The following MTA3 variants were observed in gnomAD, a reference collection of about 807,000 sequenced individuals.
MTA3 encodes metastasis associated 1 family member 3.
In MTA3, 34 loss-of-function variants were observed where a neutral mutation model predicts 83.5. That is an observed-to-expected ratio of 0.41 (90% CI 0.31 to 0.54). The LOEUF is 0.54. MTA3 is among the 20% of genes least tolerant of loss of function. The pLI, the probability that MTA3 is intolerant of heterozygous loss-of-function variation, is 0.33. For synonymous variants in MTA3, 303 were observed against 252.7 expected (o/e 1.20, Z -1.89); for missense variants, 761 against 726.4 (o/e 1.05, Z -0.55).
intron 8 of MTA3, among the ~76,000 whole-genome samples, chr2:42,664,402 A>G (rs1172948794): frequency 4.7e-5 from 7 of 149,614 alleles, no homozygotes. Context: ...ATTCAGTTGA[A>G]TTTGGGGAGT....
chr2:42,621,666 C>T (rs1414147628), intron 4 of MTA3, among the ~76,000 whole-genome samples: 6 of 148,880 alleles, frequency 4.0e-5, no homozygotes, highest in Non-Finnish European at 7.4e-5. Context: ...GACGGGGTGG[C>T]AGCCGGGCAG....
intron 12 of MTA3, among the ~76,000 whole-genome samples, chr2:42,705,236 G>T (rs1665973082): frequency 6.6e-6 from 1 of 152,156 alleles, no homozygotes; most frequent in African/African-American, 2.4e-5. Flanking sequence ...TTTGCAGCAT[G>T]GGAGCACAAA....
chr2:42,571,477 A>G (rs1323944217), intron 2 of MTA3, among the ~76,000 whole-genome samples: 3 of 151,854 alleles, frequency 2.0e-5, no homozygotes, highest in Non-Finnish European at 4.4e-5. Flanking sequence ...TTGTTACTGA[A>G]TATTTAAAAG....
intron 2 of MTA3, among the ~76,000 whole-genome samples, chr2:42,509,190 C>G (rs1470557091): frequency 6.6e-6 from 1 of 151,876 alleles, no homozygotes; most frequent in African/African-American, 2.4e-5. Flanking sequence ...CTACAGGTGT[C>G]CACCACCATG....
chr2:42,539,577 CTTTTTTTTTT>C (rs34577240), intron 2 of MTA3, among the ~76,000 whole-genome samples: 2 of 96,652 alleles, frequency 2.1e-5, no homozygotes, highest in Non-Finnish European at 4.0e-5. Context: ...AATTGTAAAG[CTTTTTTTTTT>C]TTTTTTTTTT....
At chr2:42,731,395 A>C (rs909256080) in intron 16 of MTA3, among the ~76,000 whole-genome samples, 1 of 152,214 alleles carries the variant, frequency 6.6e-6, no homozygotes, top group African/African-American at 2.4e-5. Context: ...AAGAGGTTTA[A>C]TTGGACTTAC....
chr2:42,651,777 G>A (rs1162127318), intron 6 of MTA3, among the ~76,000 whole-genome samples: 3 of 150,072 alleles, frequency 2.0e-5, no homozygotes, highest in African/African-American at 7.4e-5. Flanking sequence ...TCCAGCCTGG[G>A]TGACAGAGCG....
At chr2:42,570,558 TG>T (rs1452225037) in intron 2 of MTA3, 54 bp downstream of exon 2, 6 of 1,076,896 alleles carry the variant, frequency 5.6e-6, no homozygotes, top group Non-Finnish European at 7.8e-6. Context: ...TTTCCCTTGA[TG>T]GGTAATTGGG....
At position 42,568,664 on chromosome 2, in the gene MTA3, G is replaced by A; in HGVS notation, c.-82G>A. 9.6e-7 allele frequency: 1 copy of A among 1,043,610 alleles called. No homozygotes were observed. 64.6% of individuals were successfully genotyped at this position (1,043,610 alleles called of 1,614,324 possible). A position where few individuals can be genotyped will look rare whatever the true frequency, so the allele number is the denominator to read the frequency against. On this transcript the variant is annotated 5_prime_UTR_variant, in exon 1 of 17. Transcript: ENST00000405094. ...GGCAGCAGCGACGGCGGCGGCGGCA[G>A]CGGCGGTCGCGGCTGAGGCTGAGGA...
chr2:42,745,828 T>TTTTTTTTG (rs1669371866), intron 16 of MTA3, among the ~76,000 whole-genome samples: 1 of 147,238 alleles, frequency 6.8e-6, no homozygotes, highest in Non-Finnish European at 1.5e-5. Flanking sequence ...AGTCCTCTTT[T>TTTTTTTTG]TTTTGAGACA....
chr2:42,677,374 G>A (rs1691466841), intron 8 of MTA3, among the ~76,000 whole-genome samples: 11 of 151,552 alleles, frequency 7.3e-5, no homozygotes, highest in Admixed American at 6.6e-4. Context: ...ATGGAGTCTC[G>A]CTCTGTCACC....
chr2:42,668,767 A>G (rs1024408419), intron 8 of MTA3, among the ~76,000 whole-genome samples: 5 of 152,192 alleles, frequency 3.3e-5, no homozygotes, highest in African/African-American at 1.2e-4. Flanking sequence ...AATTGTTACA[A>G]GAAGTCACTG....
chr2:42,657,461 G>T (rs1479194644), intron 7 of MTA3, among the ~76,000 whole-genome samples: 1 of 152,134 alleles, frequency 6.6e-6, no homozygotes, highest in African/African-American at 2.4e-5. Flanking sequence ...CTCCAGACAG[G>T]CTGTCTAGAT....
chr2:42,684,841 T>A (rs1172248476), intron 9 of MTA3, among the ~76,000 whole-genome samples: 1 of 152,238 alleles, frequency 6.6e-6, no homozygotes, highest in African/African-American at 2.4e-5. Flanking sequence ...AAAAATTGAA[T>A]GTGGTCCTTA....
chr2:42,747,903 AC>A (rs1260988220), intron 16 of MTA3, among the ~76,000 whole-genome samples: 8 of 151,322 alleles, frequency 5.3e-5, no homozygotes, highest in African/African-American at 1.9e-4. Flanking sequence ...CTTAATCATC[AC>A]CCCCAACAGT....
intron 2 of MTA3, among the ~76,000 whole-genome samples, chr2:42,546,330 C>CTGGCCCCACA (rs1279080962): frequency 4.6e-5 from 7 of 152,174 alleles, no homozygotes; most frequent in Middle Eastern, 6.8e-3. Flanking sequence ...GAGGAAGAAG[C>CTGGCCCCACA]CTGTGTAGGA....
intron 2 of MTA3, among the ~76,000 whole-genome samples, chr2:42,527,835 A>G (rs542512813): frequency 6.6e-6 from 1 of 151,830 alleles, no homozygotes; most frequent in Admixed American, 6.6e-5. Context: ...AAAAAAAAAA[A>G]AACAAAAACA....
At chr2:42,679,837 GT>G (rs71410125) in intron 8 of MTA3, among the ~76,000 whole-genome samples, 3 of 139,550 alleles carry the variant, frequency 2.1e-5, no homozygotes, top group African/African-American at 8.1e-5. Flanking sequence ...ATGGCTGTGT[GT>G]TGTTTTTTTT....
intron 2 of MTA3, among the ~76,000 whole-genome samples, chr2:42,514,596 C>T (rs1675051015): frequency 6.6e-6 from 1 of 150,642 alleles, no homozygotes; most frequent in Admixed American, 6.7e-5. Context: ...GTTGGCCAAG[C>T]TGCTCTCAAA....
Sources: allele counts gnomAD v4.1 joint callset (sites outside exome capture counted in the v4.1 genomes callset), GRCh38; gene constraint gnomAD v4.1.1; transcripts MANE v1.5; gene names NCBI Gene and HGNC (gene_info 2026-07-23, HGNC 2026-07-21).